CREB5: variants seen among roughly 807,000 people sequenced by gnomAD.
CREB5 encodes the protein cyclic AMP-responsive element-binding protein 5.
A neutral mutation model predicts 57.1 loss-of-function variants in CREB5; 19 were observed. The ratio of observed to expected loss-of-function variants is 0.33; its 90% confidence interval spans 0.23 to 0.49. CREB5 has a LOEUF of 0.49. CREB5 is among the 20% of genes least tolerant of loss of function. The pLI, the probability that CREB5 is intolerant of heterozygous loss-of-function variation, is 0.99. For synonymous variants in CREB5, 238 were observed against 238.3 expected (o/e 1.00, Z 0.01); for missense variants, 579 against 671.6 (o/e 0.86, Z 1.52).
chr7:28,667,002 A>G lies in CREB5; in HGVS notation c.465-51751A>G, dbSNP rs560594394. 3.9e-5 allele frequency among the ~76,000 whole-genome samples: 6 copies of G among 152,124 alleles called. No individual in the cohort carries two copies. In the South Asian group the frequency reaches 1.2e-3, roughly 32 times the overall value. On this transcript the variant is annotated intron_variant, in intron 5 of 10. Transcript: ENST00000357727. ...GATTATAGTGGAGCTTGCTTGTCAC[A>G]AACTTTGCTTGGATCAAATAGGTCA...
intron 5 of CREB5, among the ~76,000 whole-genome samples, chr7:28,682,198 C>T (rs922650382): frequency 2.0e-5 from 3 of 152,198 alleles, no homozygotes; most frequent in Admixed American, 6.5e-5. Context: ...ACTCCCTTGT[C>T]TTCTCTCTGG....
chr7:28,727,930 C>CTGTT (rs112375352), intron 7 of CREB5, among the ~76,000 whole-genome samples: 9,216 of 151,140 alleles, frequency 0.061, 303 homozygotes, highest in South Asian at 0.11. Context: ...GATATTGTCC[C>CTGTT]TGTTTGTTTG....
At chr7:28,449,301 T>C (rs986718450) in intron 1 of CREB5, among the ~76,000 whole-genome samples, 59 of 152,234 alleles carry the variant, frequency 3.9e-4, no homozygotes, top group African/African-American at 1.3e-3. Context: ...TTGTAACATC[T>C]CTTAAGTCTC....
intron 1 of CREB5, among the ~76,000 whole-genome samples, chr7:28,459,550 TC>T (rs1790262530): frequency 6.6e-6 from 1 of 152,160 alleles, no homozygotes; most frequent in East Asian, 1.9e-4. Flanking sequence ...ATGGGTTACA[TC>T]CCCTCTTCTG....
chr7:28,815,424 A>G (rs1809380281), intron 9 of CREB5, among the ~76,000 whole-genome samples: 1 of 152,262 alleles, frequency 6.6e-6, no homozygotes, highest in Admixed American at 6.5e-5. Context: ...ATATTGCTTT[A>G]TTAATAAAGT....
intron 7 of CREB5, among the ~76,000 whole-genome samples, chr7:28,780,104 C>A (rs1806884161): frequency 6.6e-6 from 1 of 152,172 alleles, no homozygotes; most frequent in South Asian, 2.1e-4. Context: ...ACTGGACAGT[C>A]AGTTCCTTGA....
chr7:28,577,577 G>A (rs540435283), intron 5 of CREB5, among the ~76,000 whole-genome samples: 2 of 152,150 alleles, frequency 1.3e-5, no homozygotes, highest in African/African-American at 4.8e-5. Flanking sequence ...GTAAAGTAAG[G>A]TTCAGAGATT....
chr7:28,368,085 C>A (rs1400774120), intron 1 of CREB5, among the ~76,000 whole-genome samples: 4 of 152,094 alleles, frequency 2.6e-5, no homozygotes, highest in African/African-American at 9.7e-5. Flanking sequence ...AAACACTATA[C>A]AAAAAATAAT....
At chr7:28,799,281 A>T (rs1357974542) in intron 7 of CREB5, among the ~76,000 whole-genome samples, 1 of 152,230 alleles carries the variant, frequency 6.6e-6, no homozygotes, top group African/African-American at 2.4e-5. Context: ...CTTCATCTCC[A>T]CATCTAAGTG....
intron 2 of CREB5, among the ~76,000 whole-genome samples, chr7:28,489,593 G>A (rs576388862): frequency 6.6e-6 from 1 of 152,024 alleles, no homozygotes; most frequent in Non-Finnish European, 1.5e-5. Context: ...GAGCCACCGC[G>A]CCCGGCCGGA....
intron 5 of CREB5, among the ~76,000 whole-genome samples, chr7:28,584,289 C>G (rs1414656824): frequency 6.6e-6 from 1 of 152,174 alleles, no homozygotes; most frequent in Non-Finnish European, 1.5e-5. Flanking sequence ...ATTGTGTCCC[C>G]TCAAAAATAT....
At chr7:28,475,390 G>A (rs927444880) in intron 1 of CREB5, among the ~76,000 whole-genome samples, 1 of 148,940 alleles carries the variant, frequency 6.7e-6, no homozygotes, top group African/African-American at 2.5e-5. Flanking sequence ...GGGTAACATA[G>A]TGAGACCCCA....
At chr7:28,501,962 G>C (rs993262429) in intron 3 of CREB5, among the ~76,000 whole-genome samples, 4 of 152,154 alleles carry the variant, frequency 2.6e-5, no homozygotes, top group African/African-American at 9.7e-5. Flanking sequence ...GCAATGAATG[G>C]ATCCCAGTAT....
intron 5 of CREB5, among the ~76,000 whole-genome samples, chr7:28,571,040 C>T (rs1795680728): frequency 1.3e-5 from 2 of 152,002 alleles, no homozygotes; most frequent in Admixed American, 1.3e-4. Flanking sequence ...TAGTACCAAA[C>T]CCTGTGTGTG....
In CREB5 at chr7:28,560,859, CGTGTGCCT is replaced by C. The variant is rs1562797255; in HGVS notation, c.292-9504_292-9497del. On this transcript the variant is annotated intron_variant, in intron 4 of 10. Coordinates refer to ENST00000357727, the MANE Select transcript of CREB5 (RefSeq NM_182898.4). ...GTGTGTGTGTGCGCGTGTGTGTGTG[CGTGTGCCT>C]GCGTGCGCGTGCGTGCGTGCGTGTG... Among the ~76,000 whole-genome samples, 33 of 32,706 alleles carry C rather than the reference CGTGTGCCT, an allele frequency of 1.0e-3. 4 individuals carry two copies. Among genetic ancestry groups the C allele is most frequent in the Admixed American group, 2.4e-3 (7 of 2,936 alleles). The allele number at this position is 32,706 out of a possible 152,430, so 21.5% of individuals were successfully genotyped here. A position where few individuals can be genotyped will look rare whatever the true frequency, so the allele number is the denominator to read the frequency against.
intron 1 of CREB5, among the ~76,000 whole-genome samples, chr7:28,367,117 G>A (rs1392828287): frequency 1.3e-5 from 2 of 152,222 alleles, no homozygotes; most frequent in East Asian, 3.9e-4. Flanking sequence ...GAGTTCCTTT[G>A]CTGGCGATTT....
intron 1 of CREB5, among the ~76,000 whole-genome samples, chr7:28,472,149 A>T (rs1790845527): frequency 9.8e-6 from 1 of 101,856 alleles, no homozygotes. Flanking sequence ...CTTATAGTCA[A>T]AGCAAAAAAA....
intron 1 of CREB5, among the ~76,000 whole-genome samples, chr7:28,455,415 A>C (rs1790049563): frequency 6.6e-6 from 1 of 152,230 alleles, no homozygotes; most frequent in African/African-American, 2.4e-5. Context: ...TAAGTAGAAC[A>C]AGATTTTGCT....
At chr7:28,488,350 C>A in intron 2 of CREB5, 104 bp downstream of exon 2, 1 of 924,044 alleles carries the variant, frequency 1.1e-6, no homozygotes, top group Non-Finnish European at 1.7e-6. Flanking sequence ...TCCTTCTTTA[C>A]CAAGACACCA....
Sources: gnomAD v4.1 joint callset for allele counts (sites outside exome capture counted in the v4.1 genomes callset) on GRCh38, gnomAD v4.1.1 for gene constraint, MANE v1.5 for transcripts, NCBI Gene and HGNC (gene_info 2026-07-23, HGNC 2026-07-21) for gene names.